The following DAB2IP variants were observed in gnomAD, a reference collection of about 807,000 sequenced individuals.
DAB2IP encodes disabled homolog 2-interacting protein.
Under a neutral mutation model 107.2 loss-of-function variants are expected in DAB2IP, and 28 were observed. The observed-to-expected ratio is 0.26, with a 90% CI of 0.19 to 0.36. The LOEUF (loss-of-function observed/expected upper bound fraction) is 0.36. Ranked by LOEUF, DAB2IP falls within the 10% of genes least tolerant of loss-of-function variation. The pLI, the probability that DAB2IP is intolerant of heterozygous loss-of-function variation, is 1.00. For synonymous variants in DAB2IP, 755 were observed against 706.4 expected (o/e 1.07, Z -1.09); for missense variants, 1,400 against 1,644.7 (o/e 0.85, Z 2.57).
intron 1 of DAB2IP, among the ~76,000 whole-genome samples, chr9:121,636,704 T>C (rs1832102825): frequency 6.6e-6 from 1 of 152,264 alleles, no homozygotes; most frequent in Non-Finnish European, 1.5e-5. Flanking sequence ...ATCCCCACAT[T>C]GTTCTGAACC....
At chr9:121,743,122 C>T (rs750253009) in intron 3 of DAB2IP, among the ~76,000 whole-genome samples, 3 of 152,112 alleles carry the variant, frequency 2.0e-5, no homozygotes, top group African/African-American at 7.2e-5. Context: ...GAAGTCCTGG[C>T]GAGCTGGGGA....
chr9:121,704,356 T>C (rs973323159), intron 3 of DAB2IP, among the ~76,000 whole-genome samples: 12 of 152,240 alleles, frequency 7.9e-5, no homozygotes, highest in Non-Finnish European at 1.3e-4. Flanking sequence ...AAAGCAGTCT[T>C]TATCGTTTGG....
At chr9:121,597,951 C>G (rs113317177) in intron 1 of DAB2IP, among the ~76,000 whole-genome samples, 3 of 152,310 alleles carry the variant, frequency 2.0e-5, no homozygotes, top group African/African-American at 7.2e-5. Flanking sequence ...GGCTGAGACC[C>G]CATTTCTGGG....
In DAB2IP at chr9:121,639,398, C is replaced by T. The variant is rs193119856; in HGVS notation, c.41-39280C>T. On this transcript the variant is annotated intron_variant, in intron 1 of 16. Transcript: ENST00000259371. ...CTGGCTGTATTGCCTCAGATGGGAC[C>T]GTGTCCCTCTCTGCCCTGTAAGGGG... Among the ~76,000 whole-genome samples the T allele has an allele frequency of 1.2e-4, 19 of 152,320 alleles. 1 individual carries two copies. In the East Asian group the frequency reaches 1.5e-3, roughly 12 times the overall value.
exon 16 of DAB2IP, chr9:121,783,508 A>G: frequency 6.2e-7 from 1 of 1,614,158 alleles, no homozygotes; most frequent in Non-Finnish European, 8.5e-7. Flanking sequence ...GAGAAGGTGG[A>G]TAACTGTGAT....
intron 15 of DAB2IP, 103 bp downstream of exon 15, chr9:121,781,654 G>A (rs974984190): frequency 1.7e-6 from 2 of 1,200,976 alleles, no homozygotes; most frequent in Non-Finnish European, 2.4e-6. Flanking sequence ...TGCAGACACT[G>A]AGGGGAATAA....
chr9:121,770,393 C>T (rs1015806251), intron 10 of DAB2IP, among the ~76,000 whole-genome samples, 153 bp from the exon 11 acceptor site: 8 of 152,216 alleles, frequency 5.3e-5, no homozygotes, highest in African/African-American at 1.7e-4. Flanking sequence ...GGGCTCACCC[C>T]CCTCCCAGAC....
At chr9:121,750,320 T>TGCGC (rs561939671) in intron 3 of DAB2IP, among the ~76,000 whole-genome samples, 11 of 151,688 alleles carry the variant, frequency 7.3e-5, no homozygotes, top group Non-Finnish European at 1.6e-4. Flanking sequence ...TTCACTTGTG[T>TGCGC]GCGCGCGCGC....
Position 121,679,413 on chromosome 9 carries a change from T to TACACACACACACACAC in DAB2IP, c.228+657_228+672dup, listed in dbSNP as rs3138857. On this transcript the variant is annotated intron_variant, in intron 2 of 15. Coordinates refer to ENST00000408936, the Ensembl canonical transcript of DAB2IP. The stretch of plus-strand genomic sequence containing the variant: ...TCATACCCTTCTGCATTTGTGCATG[T>TACACACACACACACAC]ACACACACACACACACACACACACA... 8.0e-3 allele frequency among the ~76,000 whole-genome samples: 1,086 copies of TACACACACACACACAC among 135,578 alleles called. 21 individuals carry two copies. The highest frequency in any genetic ancestry group is 0.029 in the African/African-American group (987 of 33,662). 88.9% of individuals were successfully genotyped at this position (135,578 alleles called of 152,430 possible).
chr9:121,734,975 C>T (rs1414564123), intron 3 of DAB2IP, among the ~76,000 whole-genome samples: 1 of 152,204 alleles, frequency 6.6e-6, no homozygotes, highest in African/African-American at 2.4e-5. Flanking sequence ...ACTCTGCTTT[C>T]GCCTTCCTTG....
At position 121,736,492 on chromosome 9, in the gene DAB2IP, G is replaced by A. The variant is rs1589608633; in HGVS notation, c.363-20521G>A. Among the ~76,000 whole-genome samples, 1 of 147,516 alleles carries A rather than the reference G, an allele frequency of 6.8e-6. No homozygotes were observed. Among genetic ancestry groups the A allele is most frequent in the Non-Finnish European group, 1.5e-5 (1 of 66,506 alleles). On this transcript the variant is annotated intron_variant, in intron 3 of 15. Coordinates refer to ENST00000408936, the Ensembl canonical transcript of DAB2IP. This position sits in a 1 kb window ranked among gnomAD's most constrained non-coding sequence, Gnocchi z 4.6. Reference sequence around the variant, plus strand: ...GCTGCAGCTGGAGGCAGCTGGCCGCGGAATGTCACCCGCTGCCGGGCCTGG... The same window carrying A: ...GCTGCAGCTGGAGGCAGCTGGCCGCAGAATGTCACCCGCTGCCGGGCCTGG...
intron 1 of DAB2IP, among the ~76,000 whole-genome samples, chr9:121,645,037 T>C (rs933527025): frequency 2.0e-5 from 3 of 152,186 alleles, no homozygotes; most frequent in Non-Finnish European, 1.5e-5. Flanking sequence ...TGGGACCATA[T>C]GCCACCCCCT....
chr9:121,697,362 G>T lies in DAB2IP; in HGVS notation c.229-1963G>T, dbSNP rs186732066. Among the ~76,000 whole-genome samples the T allele has an allele frequency of 3.3e-5, 5 of 152,278 alleles. No individual in the cohort carries two copies. In the East Asian group the frequency reaches 9.6e-4, roughly 29 times the overall value. ...ACCAAGAAAAGGTACAAGCCCATTG[G>T]GATAACTTGCTTGACCACAACCCCT... On this transcript the variant is annotated intron_variant, in intron 2 of 15. Coordinates refer to ENST00000408936, the Ensembl canonical transcript of DAB2IP.
At chr9:121,763,834 A>C in exon 8 of DAB2IP, 1 of 1,614,130 alleles carries the variant, frequency 6.2e-7, no homozygotes, top group Non-Finnish European at 8.5e-7. Context: ...GGCAACCTCA[A>C]GATGTGCTGC....
chr9:121,586,823 G>T (rs1164062215), intron 1 of DAB2IP, among the ~76,000 whole-genome samples: 1 of 151,696 alleles, frequency 6.6e-6, no homozygotes, highest in Non-Finnish European at 1.5e-5. Flanking sequence ...AAAAAAAATT[G>T]CAGTGACCTC....
intron 9 of DAB2IP, among the ~76,000 whole-genome samples, chr9:121,768,136 T>C (rs951828823): frequency 2.0e-5 from 3 of 152,142 alleles, no homozygotes; most frequent in Admixed American, 1.3e-4. Context: ...ATCATCTGCA[T>C]ACCAGGGCAG....
chr9:121,739,213 TTGCTGTTAGAGTG>T (rs1832141881), intron 3 of DAB2IP, among the ~76,000 whole-genome samples: 1 of 152,234 alleles, frequency 6.6e-6, no homozygotes, highest in South Asian at 2.1e-4. Flanking sequence ...GCCTGCCAGT[TTGCTGTTAGAGTG>T]TGCTGGAGCA....
chr9:121,640,267 G>A (rs112139009), intron 1 of DAB2IP, among the ~76,000 whole-genome samples: 5 of 152,290 alleles, frequency 3.3e-5, no homozygotes, highest in African/African-American at 1.2e-4. Context: ...CCTGGGCTGG[G>A]TAGTGCGGAT....
intron 1 of DAB2IP, among the ~76,000 whole-genome samples, chr9:121,608,048 A>G (rs1160672167): frequency 1.3e-5 from 2 of 152,226 alleles, no homozygotes; most frequent in Non-Finnish European, 2.9e-5. Flanking sequence ...AGGCTCTGTC[A>G]GCCCCTCTGA....
Sources: allele counts gnomAD v4.1 joint callset (sites outside exome capture counted in the v4.1 genomes callset), GRCh38; gene constraint gnomAD v4.1.1; non-coding constraint Gnocchi (gnomAD v3.1); transcripts MANE v1.5; gene names NCBI Gene and HGNC (gene_info 2026-07-23, HGNC 2026-07-21).